The following EMC3 variants were observed in gnomAD, a reference collection of about 807,000 sequenced individuals.
EMC3 encodes ER membrane protein complex subunit 3, also known as 30 kDa protein.
EMC3 carries 13 observed loss-of-function variants against 36.6 expected under a neutral mutation model. The ratio of observed to expected loss-of-function variants is 0.35; its 90% confidence interval spans 0.23 to 0.56. The LOEUF (loss-of-function observed/expected upper bound fraction) is 0.56, where lower values mean the gene tolerates loss of function less well. EMC3 is among the 20% of genes least tolerant of loss of function. The pLI is 0.84. For missense variants in EMC3, 220 were observed against 324.5 expected (o/e 0.68, Z 2.47); for synonymous variants, 120 against 111.9 (o/e 1.07, Z -0.46).
At chr3:9,983,646 T>A (rs1386142436) in intron 1 of EMC3, among the ~76,000 whole-genome samples, 5 of 151,600 alleles carry the variant, frequency 3.3e-5, no homozygotes, top group African/African-American at 9.7e-5. Context: ...CACTCCAGCC[T>A]GGGCAAGAGT....
intron 1 of EMC3, among the ~76,000 whole-genome samples, chr3:9,995,432 A>G (rs760381115): frequency 5.4e-4 from 82 of 151,512 alleles, no homozygotes; most frequent in African/African-American, 1.9e-3. Context: ...GAAATAGGTC[A>G]AGACGGGATG....
In EMC3 at chr3:10,010,682, G is replaced by A. The variant is rs188686010; in HGVS notation, c.-242+341C>T. On this transcript the variant is annotated intron_variant, in intron 1 of 8. Coordinates refer to the EMC3 transcript ENST00000470827. Reference sequence around the variant, plus strand: ...TCAATGTTCACTTGTTGGCATGAATGAAACAGGAAGGCCCCTGAGGTGCTA... The same window carrying A: ...TCAATGTTCACTTGTTGGCATGAATAAAACAGGAAGGCCCCTGAGGTGCTA... Among the ~76,000 whole-genome samples, 4 of 152,332 alleles carry A rather than the reference G, an allele frequency of 2.6e-5. No individual in the cohort carries two copies. The East Asian group carries it at 7.7e-4, about 29-fold the overall frequency.
upstream of EMC3, among the ~76,000 whole-genome samples, chr3:9,990,660 C>T (rs1476204846): frequency 6.6e-6 from 1 of 152,100 alleles, no homozygotes; most frequent in Non-Finnish European, 1.5e-5. Flanking sequence ...TAGGTGCCTG[C>T]CACCATGCCT....
intron 5 of EMC3, among the ~76,000 whole-genome samples, chr3:9,972,230 GA>G (rs3836465): frequency 0.24 from 34,376 of 146,266 alleles, 4,531 homozygotes; most frequent in African/African-American, 0.37. Flanking sequence ...ATGTACTTTG[GA>G]AAAAAAAAAA....
chr3:10,005,964 C>T (rs1039328617), intron 1 of EMC3, among the ~76,000 whole-genome samples: 6 of 152,232 alleles, frequency 3.9e-5, no homozygotes, highest in Non-Finnish European at 7.3e-5. Flanking sequence ...AGGGAGCCAG[C>T]TTTTAACGTT....
chr3:9,968,142 G>A (rs921261155), intron 7 of EMC3, among the ~76,000 whole-genome samples: 11 of 152,150 alleles, frequency 7.2e-5, no homozygotes, highest in African/African-American at 2.7e-4. Context: ...GGATGGTCTT[G>A]ATCTCTTGAC....
chr3:10,002,347 G>A (rs2086214401), intron 1 of EMC3, among the ~76,000 whole-genome samples: 1 of 140,458 alleles, frequency 7.1e-6, no homozygotes, highest in Admixed American at 7.3e-5. Flanking sequence ...AGAGTACAGT[G>A]ACACAATCTT....
chr3:9,986,646 G>A lies in EMC3; in HGVS notation c.16C>T (p.Leu6=), dbSNP rs772418515. The part of the protein sequence containing the change: MAGPE[L]LLDSNIRLWV... ...AGGCGGATGTTGGAGTCGAGCAACA[G>A]TTCTGGCCCTGCCATCTTCACTGAA... is the stretch of plus-strand genomic sequence containing the variant. The change falls in exon 1 of 8, where the codon CTG becomes TTG. Residue 6 remains leucine, a synonymous_variant. Transcript: ENST00000245046. 8 of 1,614,046 alleles carry A rather than the reference G, an allele frequency of 5.0e-6. No individual in the cohort carries two copies. The highest frequency in any genetic ancestry group is 1.1e-5 in the South Asian group (1 of 91,080).
upstream of EMC3, among the ~76,000 whole-genome samples, chr3:9,990,670 T>A (rs1193145682): frequency 6.6e-6 from 1 of 152,002 alleles, no homozygotes; most frequent in Non-Finnish European, 1.5e-5. Flanking sequence ...CCACCATGCC[T>A]GGCTAATTTT....
rs958968009 is a variant in EMC3 at position 9,986,418 on chromosome 3, G to A, written c.155+89C>T. Reference sequence around the variant, plus strand: ...GTCACCCTGTCAGAGGGGGCGCGACGTGAACCTAGGCAAATTGACACAACT... The same window carrying A: ...GTCACCCTGTCAGAGGGGGCGCGACATGAACCTAGGCAAATTGACACAACT... On this transcript the variant is annotated intron_variant, in intron 1 of 7. Coordinates refer to ENST00000245046, the MANE Select transcript of EMC3 (RefSeq NM_001394674.1). 3.2e-5 allele frequency: 48 copies of A among 1,505,044 alleles called. No homozygotes were observed. In the African/African-American group the frequency reaches 5.2e-4, roughly 16 times the overall value. 93.2% of individuals were successfully genotyped at this position (1,505,044 alleles called of 1,614,324 possible).
chr3:10,008,487 C>T, intron 1 of EMC3: 1 of 1,367,356 alleles, frequency 7.3e-7, no homozygotes, highest in South Asian at 1.1e-5. Context: ...ACATTCTTCT[C>T]CTGGGGGGCT....
chr3:9,977,010 T>C lies in EMC3; in HGVS notation c.254A>G (p.Asp85Gly). The C allele has an allele frequency of 6.2e-7, 1 of 1,610,602 alleles. No homozygotes were observed. Among genetic ancestry groups the C allele is most frequent in the Non-Finnish European group, 8.5e-7 (1 of 1,179,086 alleles). The change falls in exon 3 of 8, where the codon GAT (aspartate) becomes GGT (glycine). Residue 85 changes from aspartate to glycine, a missense_variant. Asp to Gly is a moderately conservative substitution (Grantham distance 94). Around this residue, in one of 3 missense-constraint regions of EMC3, gnomAD observed 127 missense variants for 174.6 expected, o/e 0.73. Transcript: ENST00000245046. ...TRKYYFNNPE[D>G]GFFKKTKRKV... ...CCGTTTAGTTTTTTTGAAAAATCCA[T>C]CCTCTGGGTTGTTGAAATAATATTT... is the stretch of plus-strand genomic sequence containing the variant.
At chr3:9,975,896 T>C (rs2124908478) in intron 3 of EMC3, among the ~76,000 whole-genome samples, 1 of 152,036 alleles carries the variant, frequency 6.6e-6, no homozygotes, top group South Asian at 2.1e-4. Context: ...ACTTTTCATA[T>C]ATTTAATGGT....
At chr3:9,989,396 C>CA (rs1052986140), upstream of EMC3, among the ~76,000 whole-genome samples, 12 of 147,946 alleles carry the variant, frequency 8.1e-5, no homozygotes, top group South Asian at 4.2e-4. Context: ...ACTAAAAATA[C>CA]AAAAAAAAAA....
chr3:10,009,738 A>G (rs892126001), intron 1 of EMC3: 1 of 152,312 alleles, frequency 6.6e-6, no homozygotes, highest in African/African-American at 2.4e-5. Context: ...CACTTGGCAA[A>G]GGAAGGGGCG....
intron 4 of EMC3, 64 bp from the exon 5 acceptor site, chr3:9,973,773 T>C: frequency 2.7e-6 from 4 of 1,457,912 alleles, no homozygotes; most frequent in Non-Finnish European, 3.9e-6. Context: ...AGTGTGACTC[T>C]TTCTCAGAGG....
At chr3:10,004,701 C>G (rs1310916966) in intron 1 of EMC3, 1 of 152,384 alleles carries the variant, frequency 6.6e-6, no homozygotes, top group African/African-American at 2.4e-5. Context: ...GGTGCCCAGT[C>G]TGGCCCCACC....
Position 10,007,326 on chromosome 3 carries a change from C to T in EMC3, c.-242+3697G>A, listed in dbSNP as rs567951472. 1.6e-5 allele frequency: 21 copies of T among 1,310,810 alleles called. No individual in the cohort carries two copies. In the African/African-American group the frequency reaches 3.0e-4, roughly 19 times the overall value. 81.2% of individuals were successfully genotyped at this position (1,310,810 alleles called of 1,614,324 possible). On this transcript the variant is annotated intron_variant, in intron 1 of 8. Transcript: ENST00000470827. ...AGAAGGACCAGCAGCCCCTTCAGGTCCCGTCTGCCTGTGTCAATCATGCTG... is the reference window on the plus strand; with the variant it reads ...AGAAGGACCAGCAGCCCCTTCAGGTTCCGTCTGCCTGTGTCAATCATGCTG...
Position 9,997,373 on chromosome 3 carries a change from A to C in EMC3, c.-241-10471T>G, listed in dbSNP as rs373830632. On this transcript the variant is annotated intron_variant, in intron 1 of 8. Coordinates refer to the EMC3 transcript ENST00000470827. ...GCGTGTGCCGCCACGCCCAGCCAGC[A>C]TATTTTCAAGGTTCATGTATGTTGT... Among the ~76,000 whole-genome samples, 8 of 152,164 alleles carry C rather than the reference A, an allele frequency of 5.3e-5. No individual in the cohort carries two copies. In the South Asian group the frequency reaches 1.7e-3, roughly 32 times the overall value.
Sources: allele counts gnomAD v4.1 joint callset (sites outside exome capture counted in the v4.1 genomes callset), GRCh38; gene constraint gnomAD v4.1.1; regional missense constraint gnomAD v4.1.1; transcripts MANE v1.5; gene names NCBI Gene and HGNC (gene_info 2026-07-23, HGNC 2026-07-21).